Variants in LRP1B observed in about 807,000 individuals in gnomAD.
LRP1B encodes the protein low-density lipoprotein receptor-related protein 1B.
In LRP1B, 217 loss-of-function variants were observed where a neutral mutation model predicts 556.6. The observed-to-expected ratio is 0.39, with a 90% CI of 0.35 to 0.44. The LOEUF (loss-of-function observed/expected upper bound fraction) is 0.44. Among genes scored for constraint, LRP1B ranks in the 20% least tolerant of loss-of-function variants. The pLI is 1.00. For synonymous variants in LRP1B, 2,047 were observed against 1,865.8 expected (o/e 1.10, Z -2.50); for missense variants, 5,053 against 5,620.8 (o/e 0.90, Z 3.23).
intron 77 of LRP1B, among the ~76,000 whole-genome samples, chr2:140,349,568 A>G (rs544120638): frequency 1.3e-5 from 2 of 152,120 alleles, no homozygotes; most frequent in Non-Finnish European, 2.9e-5. Flanking sequence ...TAATATGTAA[A>G]TTGAATCATC....
chr2:141,572,494 T>C (rs112922887), intron 2 of LRP1B, among the ~76,000 whole-genome samples: 297 of 151,856 alleles, frequency 2.0e-3, no homozygotes, highest in African/African-American at 6.9e-3. Flanking sequence ...ATATAAAAGA[T>C]CAATGACACT....
chr2:141,746,244 G>T (rs1318722014), intron 2 of LRP1B, among the ~76,000 whole-genome samples: 1 of 152,120 alleles, frequency 6.6e-6, no homozygotes, highest in Non-Finnish European at 1.5e-5. Context: ...TTATGGCCTA[G>T]ACTGCCTTTC....
intron 35 of LRP1B, among the ~76,000 whole-genome samples, chr2:140,763,500 T>C (rs1014334205): frequency 6.6e-6 from 1 of 152,112 alleles, no homozygotes; most frequent in African/African-American, 2.4e-5. Context: ...TGCCTGAAGT[T>C]TCATGAGACT....
intron 1 of LRP1B, among the ~76,000 whole-genome samples, chr2:141,993,836 G>A (rs1473758378): frequency 6.6e-6 from 1 of 152,006 alleles, no homozygotes; most frequent in Non-Finnish European, 1.5e-5. Context: ...TGTTCACATT[G>A]CCTTTCATAA....
intron 43 of LRP1B, among the ~76,000 whole-genome samples, chr2:140,551,697 C>G (rs1470356812): frequency 6.6e-6 from 1 of 152,126 alleles, no homozygotes; most frequent in Non-Finnish European, 1.5e-5. Flanking sequence ...AGAGACCAGT[C>G]AAGATCCAGA....
At position 141,758,256 on chromosome 2, in the gene LRP1B, C is replaced by T. The variant is rs575652716; in HGVS notation, c.205+52023G>A. ...TTTATTGTATTTTTTCAGATAAAAA[C>T]ATCACATACTGCTTTGTATAATCCA... On this transcript the variant is annotated intron_variant, in intron 2 of 90. Transcript: ENST00000389484. Among the ~76,000 whole-genome samples, 119 of 152,194 alleles carry T rather than the reference C, an allele frequency of 7.8e-4. 4 individuals carry two copies. In the South Asian group the frequency reaches 0.024, roughly 31 times the overall value.
At chr2:140,362,142 T>A (rs1208550715) in intron 72 of LRP1B, among the ~76,000 whole-genome samples, 2 of 151,712 alleles carry the variant, frequency 1.3e-5, no homozygotes, top group Non-Finnish European at 2.9e-5. Flanking sequence ...CTAACATAGC[T>A]TGCCTAAAGT....
intron 1 of LRP1B, among the ~76,000 whole-genome samples, chr2:141,946,268 G>A (rs1238141224): frequency 6.6e-6 from 1 of 152,086 alleles, no homozygotes; most frequent in Non-Finnish European, 1.5e-5. Flanking sequence ...TCTTTTGCAT[G>A]ACTAATATCC....
rs1260758910 is a variant in LRP1B, at chr2:142,115,769, TC to T, written c.82+14878del. Among the ~76,000 whole-genome samples, 10 of 35,346 alleles carry T rather than the reference TC, an allele frequency of 2.8e-4. 4 individuals carry two copies. Among genetic ancestry groups the T allele is most frequent in the Non-Finnish European group, 4.2e-4 (9 of 21,226 alleles). 23.2% of individuals were successfully genotyped at this position (35,346 alleles called of 152,430 possible). A position where few individuals can be genotyped will look rare whatever the true frequency, so the allele number is the denominator to read the frequency against. ...ATATATTATATATATGTAATATATA[TC>T]ATATATATGTAATATATATCATATA... On this transcript the variant is annotated intron_variant, in intron 1 of 90. Coordinates refer to ENST00000389484, the MANE Select transcript of LRP1B (RefSeq NM_018557.3).
chr2:142,082,527 G>C (rs1705758489), intron 1 of LRP1B, among the ~76,000 whole-genome samples: 1 of 152,162 alleles, frequency 6.6e-6, no homozygotes, highest in Non-Finnish European at 1.5e-5. Context: ...CTGATTTCTT[G>C]CTGGGAAAGA....
intron 7 of LRP1B, among the ~76,000 whole-genome samples, chr2:141,066,041 T>C (rs1452715577): frequency 1.3e-5 from 2 of 152,022 alleles, no homozygotes; most frequent in South Asian, 2.1e-4. Context: ...TGTTCTCTTG[T>C]TCTACATTTA....
chr2:140,687,190 G>A (rs147300232), intron 41 of LRP1B, among the ~76,000 whole-genome samples: 1 of 151,972 alleles, frequency 6.6e-6, no homozygotes, highest in South Asian at 2.1e-4. Context: ...GAAGACCATT[G>A]GGCTTAAATT....
intron 1 of LRP1B, among the ~76,000 whole-genome samples, chr2:141,837,716 T>C (rs1331047741): frequency 1.3e-5 from 2 of 152,126 alleles, no homozygotes; most frequent in Admixed American, 6.6e-5. Context: ...GGAAATCTAA[T>C]GAATGCTGCT....
At chr2:141,440,389 G>C (rs114143398) in intron 3 of LRP1B, among the ~76,000 whole-genome samples, 2,500 of 152,310 alleles carry the variant, frequency 0.016, 72 homozygotes, top group African/African-American at 0.055. Flanking sequence ...AGTTGAAAAT[G>C]GCCACGCCCT....
intron 55 of LRP1B, among the ~76,000 whole-genome samples, chr2:140,500,462 T>A (rs1042250250): frequency 9.9e-5 from 15 of 152,002 alleles, no homozygotes; most frequent in Admixed American, 6.6e-5. Flanking sequence ...AACAATTGTC[T>A]ACCATCCTTT....
chr2:140,270,252 G>A lies in LRP1B; in HGVS notation c.13237C>T (p.Pro4413Ser), dbSNP rs779399200. The change falls in exon 86 of 91, where the codon CCT (proline) becomes TCT (serine). Residue 4413 changes from proline to serine, a missense_variant. Physicochemically the swap from Pro to Ser is moderately conservative, Grantham distance 74. Coordinates refer to ENST00000389484, the MANE Select transcript of LRP1B (RefSeq NM_018557.3). ...TCQLDPETNV[P>S]VCLCSTNWSG... is the part of the protein sequence containing the mutation. The stretch of plus-strand genomic sequence containing the variant: ...TGATTAAATACTCACAGACACACAG[G>A]TACATTTGTCTCGGGGTCCAGCTGG... 3.1e-6 allele frequency: 5 copies of A among 1,610,214 alleles called. No homozygotes were observed. In the East Asian group the frequency reaches 8.9e-5, roughly 29 times the overall value.
chr2:140,934,131 C>T (rs1314726768), intron 20 of LRP1B, among the ~76,000 whole-genome samples: 4 of 151,712 alleles, frequency 2.6e-5, no homozygotes, highest in Non-Finnish European at 5.9e-5. Flanking sequence ...AAAATTAGAA[C>T]TTAAGTTTTA....
At position 142,131,001 on chromosome 2, in the gene LRP1B, A is replaced by G. The variant is rs1263464137; in HGVS notation, c.-272T>C. 2 of 529,158 alleles carry G rather than the reference A, an allele frequency of 3.8e-6. No individual in the cohort carries two copies. The highest frequency in any genetic ancestry group is 5.3e-4 in the Middle Eastern group (1 of 1,896). 32.8% of individuals were successfully genotyped at this position (529,158 alleles called of 1,614,324 possible). On this transcript the variant is annotated 5_prime_UTR_variant, in exon 1 of 91. Coordinates refer to ENST00000389484, the MANE Select transcript of LRP1B (RefSeq NM_018557.3). ...AGACGCCCGTGTGTCTTGACTTTTC[A>G]ATGCAGGGTACGTCTGATCTTACAT...
Position 140,256,534 on chromosome 2 carries a change from T to C in LRP1B, c.13248-9372A>G, listed in dbSNP as rs561304125. 2.3e-5 allele frequency among the ~76,000 whole-genome samples: 3 copies of C among 130,870 alleles called. No homozygotes were observed. In the East Asian group the frequency reaches 8.1e-4, roughly 35 times the overall value. The allele number at this position is 130,870 out of a possible 152,430, so 85.9% of individuals were successfully genotyped here. Reference sequence around the variant, plus strand: ...GTCAGGCTGGAGTGCAGTGGCGCGATCTCAGCTCACTGCAACCTCTGCCTC... The same window carrying C: ...GTCAGGCTGGAGTGCAGTGGCGCGACCTCAGCTCACTGCAACCTCTGCCTC... On this transcript the variant is annotated intron_variant, in intron 86 of 90. Coordinates refer to ENST00000389484, the MANE Select transcript of LRP1B (RefSeq NM_018557.3).
Sources: gnomAD v4.1 joint callset for allele counts (sites outside exome capture counted in the v4.1 genomes callset) on GRCh38, gnomAD v4.1.1 for gene constraint, MANE v1.5 for transcripts, NCBI Gene and HGNC (gene_info 2026-07-23, HGNC 2026-07-21) for gene names.